Variants in DAB1 observed in about 807,000 individuals in gnomAD.
DAB1 encodes DAB adaptor protein 1, also known as disabled homolog 1.
A neutral mutation model predicts 64.6 loss-of-function variants in DAB1; 15 were observed. That is an observed-to-expected ratio of 0.23 (90% CI 0.16 to 0.36). The LOEUF is 0.36. DAB1 is among the 10% of genes least tolerant of loss of function. DAB1 has a pLI of 1.00. For missense variants in DAB1, 596 were observed against 706.7 expected (o/e 0.84, Z 1.78); for synonymous variants, 235 against 251.9 (o/e 0.93, Z 0.64).
chr1:57,948,412 T>C (rs1645215565), intron 5 of DAB1, among the ~76,000 whole-genome samples: 1 of 152,260 alleles, frequency 6.6e-6, no homozygotes, highest in Non-Finnish European at 1.5e-5. Context: ...TGTGTAATCA[T>C]AAAAATGCAA....
intron 6 of DAB1, among the ~76,000 whole-genome samples, chr1:57,755,907 C>T (rs1490852682): frequency 6.6e-6 from 1 of 152,096 alleles, no homozygotes; most frequent in East Asian, 1.9e-4. Flanking sequence ...TTGCATAGGC[C>T]TTACTTAAAA....
At chr1:58,489,031 A>G (rs1030943146) in intron 3 of DAB1, among the ~76,000 whole-genome samples, 1 of 152,230 alleles carries the variant, frequency 6.6e-6, no homozygotes, top group Non-Finnish European at 1.5e-5. Context: ...CAGAAGACGA[A>G]CGATTTCTCC....
At chr1:58,101,265 C>T (rs956679956) in intron 5 of DAB1, among the ~76,000 whole-genome samples, 7 of 152,068 alleles carry the variant, frequency 4.6e-5, no homozygotes, top group Admixed American at 1.3e-4. Context: ...GGCAGTGAGC[C>T]GAGGTCATGC....
At chr1:57,526,646 C>A (rs1644597014) in intron 7 of DAB1, among the ~76,000 whole-genome samples, 1 of 152,154 alleles carries the variant, frequency 6.6e-6, no homozygotes, top group Admixed American at 6.5e-5. Context: ...AAAGTATTTG[C>A]TGACTATCTA....
chr1:58,468,395 A>G (rs1021238296), intron 3 of DAB1: 1 of 152,204 alleles, frequency 6.6e-6, no homozygotes, highest in Non-Finnish European at 1.5e-5. Context: ...GTTGATGCCT[A>G]TATCTCTAAT....
chr1:57,512,292 T>C (rs1558449043), intron 7 of DAB1, among the ~76,000 whole-genome samples: 2 of 152,214 alleles, frequency 1.3e-5, no homozygotes, highest in Non-Finnish European at 2.9e-5. Context: ...TCTAGCATCC[T>C]ACTAGGCACA....
chr1:58,088,928 G>A (rs540556353), intron 5 of DAB1, among the ~76,000 whole-genome samples: 37 of 152,292 alleles, frequency 2.4e-4, no homozygotes, highest in African/African-American at 8.9e-4. Flanking sequence ...GTGAAGGAAC[G>A]CGGGGCAAGA....
chr1:57,378,346 A>G (rs1029795559), intron 1 of DAB1, among the ~76,000 whole-genome samples: 1 of 152,228 alleles, frequency 6.6e-6, no homozygotes, highest in Non-Finnish European at 1.5e-5. Flanking sequence ...GCCCCTGTCT[A>G]AAGATGAGAG....
chr1:57,198,675 A>T (rs1243260504), intron 2 of DAB1, among the ~76,000 whole-genome samples: 13 of 151,346 alleles, frequency 8.6e-5, no homozygotes, highest in African/African-American at 3.2e-4. Context: ...ACACACACAC[A>T]CACACACACA....
chr1:57,713,899 G>A (rs898446997), intron 6 of DAB1, among the ~76,000 whole-genome samples: 9 of 152,086 alleles, frequency 5.9e-5, no homozygotes, highest in Non-Finnish European at 1.0e-4. Context: ...CAGGGGAAAT[G>A]TTTCTTTGTT....
At chr1:57,686,680 C>A (rs1366689213) in intron 6 of DAB1, among the ~76,000 whole-genome samples, 5 of 152,152 alleles carry the variant, frequency 3.3e-5, no homozygotes, top group African/African-American at 1.2e-4. Context: ...CTGCATCCAG[C>A]AGCACATATA....
intron 1 of DAB1, among the ~76,000 whole-genome samples, chr1:57,830,342 A>T (rs1490274003): frequency 6.6e-6 from 1 of 152,188 alleles, no homozygotes; most frequent in Non-Finnish European, 1.5e-5. Context: ...CATCCTTTTC[A>T]ATCTTTGCAG....
chr1:58,392,941 C>A (rs1235575938), intron 3 of DAB1, among the ~76,000 whole-genome samples: 1 of 152,150 alleles, frequency 6.6e-6, no homozygotes, highest in African/African-American at 2.4e-5. Flanking sequence ...ATCTCATTAA[C>A]TTCCATCATG....
chr1:57,605,877 A>G (rs371734789), intron 7 of DAB1: 1 of 623,418 alleles, frequency 1.6e-6, no homozygotes, highest in African/African-American at 1.8e-5. Flanking sequence ...CTTCCACTTC[A>G]ACTCCTAGCT....
intron 5 of DAB1, among the ~76,000 whole-genome samples, chr1:58,022,944 C>T (rs1031573422): frequency 1.3e-5 from 2 of 152,118 alleles, no homozygotes; most frequent in Non-Finnish European, 2.9e-5. Context: ...CCTAAGAGCA[C>T]TGAACACAAT....
At chr1:58,166,279 G>T (rs1025471162) in intron 4 of DAB1, among the ~76,000 whole-genome samples, 1 of 151,856 alleles carries the variant, frequency 6.6e-6, no homozygotes, top group Non-Finnish European at 1.5e-5. Flanking sequence ...GAACATTATC[G>T]CCACCCCAAA....
At chr1:57,196,037 T>A (rs1664595193) in intron 2 of DAB1, among the ~76,000 whole-genome samples, 1 of 150,704 alleles carries the variant, frequency 6.6e-6, no homozygotes, top group African/African-American at 2.4e-5. Flanking sequence ...GGGGTGGTGA[T>A]GGGGAGTAGG....
intron 5 of DAB1, among the ~76,000 whole-genome samples, chr1:58,028,756 T>A (rs557236993): frequency 6.6e-6 from 1 of 152,196 alleles, no homozygotes; most frequent in Admixed American, 6.5e-5. Context: ...TAGTCAAATT[T>A]GCAAATGTGG....
chr1:57,561,036 G>A (rs975783883), intron 7 of DAB1, among the ~76,000 whole-genome samples: 2 of 152,166 alleles, frequency 1.3e-5, no homozygotes, highest in South Asian at 2.1e-4. Context: ...AATGGAAGTG[G>A]TATGTATGTG....
Sources: allele counts gnomAD v4.1 joint callset (sites outside exome capture counted in the v4.1 genomes callset), GRCh38; gene constraint gnomAD v4.1.1; transcripts MANE v1.5; gene names NCBI Gene and HGNC (gene_info 2026-07-23, HGNC 2026-07-21).